EPB41L4A: variants seen among roughly 807,000 people sequenced by gnomAD.
The protein encoded by EPB41L4A is erythrocyte membrane protein band 4.1 like 4A.
A neutral mutation model predicts 108.6 loss-of-function variants in EPB41L4A; 100 were observed. The observed-to-expected ratio is 0.92, with a 90% CI of 0.78 to 1.09. The LOEUF (loss-of-function observed/expected upper bound fraction) is 1.09. Ranked by LOEUF, EPB41L4A falls within the 50% of genes least tolerant of loss-of-function variation. The pLI is 0.00. For missense variants in EPB41L4A, 1,030 were observed against 842.7 expected, an observed-to-expected ratio of 1.22 and a Z score of -2.75; for synonymous variants, 319 against 289.0, an observed-to-expected ratio of 1.10 and a Z score of -1.05.
intron 15 of EPB41L4A, among the ~76,000 whole-genome samples, chr5:112,203,776 T>C (rs1168509283): frequency 6.6e-6 from 1 of 152,284 alleles, no homozygotes; most frequent in Admixed American, 6.5e-5. Flanking sequence ...GCGCAGTGGC[T>C]TACACCTGTA....
intron 1 of EPB41L4A, among the ~76,000 whole-genome samples, chr5:112,377,848 G>GA (rs955738763): frequency 8.5e-4 from 126 of 148,416 alleles, no homozygotes; most frequent in East Asian, 9.8e-4. Flanking sequence ...ATTGGGAAGA[G>GA]AAAAAAAAAA....
At position 112,168,986 on chromosome 5, in the gene EPB41L4A, C is replaced by T. The variant is rs752536809; in HGVS notation, c.1850+9G>A. ...GATGGTGATGGTGTACTCTGGCCTG[C>T]CCACTTACTTCACTTCCGAGAGAAC... On this transcript the variant is annotated intron_variant, in intron 21 of 22. Coordinates refer to ENST00000261486, the MANE Select transcript of EPB41L4A (RefSeq NM_022140.5). 5 of 1,599,400 alleles carry T rather than the reference C, an allele frequency of 3.1e-6. No individual in the cohort carries two copies. Among genetic ancestry groups the T allele is most frequent in the Non-Finnish European group, 4.3e-6 (5 of 1,166,564 alleles).
intron 2 of EPB41L4A, among the ~76,000 whole-genome samples, chr5:112,284,339 G>A (rs1309756313): frequency 6.6e-6 from 1 of 152,086 alleles, no homozygotes; most frequent in African/African-American, 2.4e-5. Context: ...GCAATAATTG[G>A]AGCTGTGCTG....
At chr5:112,363,245 A>C (rs1478793191) in intron 1 of EPB41L4A, among the ~76,000 whole-genome samples, 1 of 152,218 alleles carries the variant, frequency 6.6e-6, no homozygotes, top group East Asian at 1.9e-4. Flanking sequence ...TTATTCCTTT[A>C]TGTTCCCCAT....
chr5:112,313,858 CT>C (rs1188991050), intron 1 of EPB41L4A, among the ~76,000 whole-genome samples: 5,520 of 89,474 alleles, frequency 0.062, 40 homozygotes, highest in African/African-American at 0.077. Context: ...AGGTAACTTT[CT>C]TTTTTTTTTT....
chr5:112,242,040 G>A (rs1749826045), intron 9 of EPB41L4A, among the ~76,000 whole-genome samples: 1 of 152,190 alleles, frequency 6.6e-6, no homozygotes, highest in Admixed American at 6.5e-5. Context: ...GGAAGGTACT[G>A]CCTCAATGTT....
At chr5:112,356,182 T>C (rs1384851558) in intron 1 of EPB41L4A, among the ~76,000 whole-genome samples, 1 of 152,104 alleles carries the variant, frequency 6.6e-6, no homozygotes, top group Non-Finnish European at 1.5e-5. Context: ...AATGGCTCCC[T>C]GACGATGGAA....
intron 4 of EPB41L4A, among the ~76,000 whole-genome samples, chr5:112,269,497 C>A (rs188642789): frequency 6.6e-6 from 1 of 151,906 alleles, no homozygotes; most frequent in Admixed American, 6.6e-5. Context: ...TAAATTAGAA[C>A]AAGTTAGAGT....
intron 1 of EPB41L4A, among the ~76,000 whole-genome samples, chr5:112,310,629 G>A (rs1487150490): frequency 6.6e-6 from 1 of 152,124 alleles, no homozygotes; most frequent in East Asian, 1.9e-4. Context: ...TTCTTTTTGG[G>A]AATAAAAGAT....
intron 1 of EPB41L4A, among the ~76,000 whole-genome samples, chr5:112,406,112 G>A (rs1032117045): frequency 3.3e-5 from 5 of 152,162 alleles, no homozygotes; most frequent in Admixed American, 1.3e-4. Context: ...AAAAGAAGCA[G>A]GCTCCCTAAG....
At chr5:112,419,589 C>T, upstream of EPB41L4A, 1 of 454,042 alleles carries the variant, frequency 2.2e-6, no homozygotes, top group Non-Finnish European at 4.4e-6. Flanking sequence ...CGGGTCAGAT[C>T]CGCCGAGTAT....
At chr5:112,180,169 T>C (rs909666123) in intron 18 of EPB41L4A, among the ~76,000 whole-genome samples, 1 of 152,194 alleles carries the variant, frequency 6.6e-6, no homozygotes, top group Non-Finnish European at 1.5e-5. Flanking sequence ...ACATTCAACA[T>C]ATTCCTAGTC....
intron 1 of EPB41L4A, 24 bp from the exon 2 acceptor site, chr5:112,307,514 A>AT: frequency 6.6e-7 from 1 of 1,522,046 alleles, no homozygotes. Context: ...TCAGTTTTAT[A>AT]TTTTTTAACT....
At chr5:112,375,186 G>A (rs558606966) in intron 1 of EPB41L4A, among the ~76,000 whole-genome samples, 11 of 152,092 alleles carry the variant, frequency 7.2e-5, no homozygotes, top group Admixed American at 3.3e-4. Flanking sequence ...GAAACACTAC[G>A]GTCCCAGAGT....
At chr5:112,232,026 G>A (rs1225095254) in intron 12 of EPB41L4A, among the ~76,000 whole-genome samples, 4 of 150,792 alleles carry the variant, frequency 2.7e-5, no homozygotes, top group Non-Finnish European at 4.4e-5. Context: ...GAGGTGGGAG[G>A]ATTGCTTGAG....
chr5:112,215,408 G>C (rs1747550155), intron 12 of EPB41L4A, among the ~76,000 whole-genome samples: 1 of 152,200 alleles, frequency 6.6e-6, no homozygotes, highest in South Asian at 2.1e-4. Flanking sequence ...AATAACTCTA[G>C]TGAGGCCACT....
chr5:112,347,620 G>T lies in EPB41L4A; in HGVS notation c.100-40130C>A, dbSNP rs4958041. Among the ~76,000 whole-genome samples, 4 of 152,226 alleles carry T rather than the reference G, an allele frequency of 2.6e-5. No individual in the cohort carries two copies. In the South Asian group the frequency reaches 6.2e-4, roughly 24 times the overall value. On this transcript the variant is annotated intron_variant, in intron 1 of 22. Coordinates refer to ENST00000261486, the MANE Select transcript of EPB41L4A (RefSeq NM_022140.5). ...CATGCAGCTTTTAATTATTCACCCGGTAACAGAATTCTCTTCTTCCTCCCT... is the reference window on the plus strand; with the variant it reads ...CATGCAGCTTTTAATTATTCACCCGTTAACAGAATTCTCTTCTTCCTCCCT...
chr5:112,155,102 G>A (rs1759603700), intron 12 of EPB41L4A, among the ~76,000 whole-genome samples: 1 of 152,078 alleles, frequency 6.6e-6, no homozygotes, highest in Non-Finnish European at 1.5e-5. Context: ...AATCTTAAAA[G>A]TGGAATTTTT....
intron 12 of EPB41L4A, among the ~76,000 whole-genome samples, chr5:112,211,689 C>G (rs1742502950): frequency 6.6e-6 from 1 of 152,078 alleles, no homozygotes; most frequent in African/African-American, 2.4e-5. Context: ...CACCTGAGCA[C>G]CCTCAAAGTT....
Sources: gnomAD v4.1 joint callset for allele counts (sites outside exome capture counted in the v4.1 genomes callset) on GRCh38, gnomAD v4.1.1 for gene constraint, MANE v1.5 for transcripts, NCBI Gene and HGNC (gene_info 2026-07-23, HGNC 2026-07-21) for gene names.